Variants in DTX1 observed in about 807,000 individuals in gnomAD.
DTX1 encodes E3 ubiquitin-protein ligase DTX1.
A neutral mutation model predicts 57.8 loss-of-function variants in DTX1; 26 were observed. That is an observed-to-expected ratio of 0.45 (90% CI 0.33 to 0.62). The LOEUF is 0.62. Ranked by LOEUF, DTX1 falls within the 20% of genes least tolerant of loss-of-function variation. The pLI, the probability that DTX1 is intolerant of heterozygous loss-of-function variation, is 0.02. For synonymous variants in DTX1, 398 were observed against 394.1 expected (o/e 1.01, Z -0.12); for missense variants, 704 against 895.3 (o/e 0.79, Z 2.73).
chr12:113,088,924 A>G (rs1316692917), intron 3 of DTX1, among the ~76,000 whole-genome samples: 1 of 152,140 alleles, frequency 6.6e-6, no homozygotes, highest in Non-Finnish European at 1.5e-5. Context: ...CTGAGGTGGG[A>G]AGATCGCTTG....
intron 9 of DTX1, 29 bp downstream of exon 9, chr12:113,095,443 G>C (rs757189148): frequency 5.0e-6 from 8 of 1,613,748 alleles, no homozygotes; most frequent in Non-Finnish European, 6.8e-6. Flanking sequence ...GGGCATGGGA[G>C]ATAGGCACAG....
intron 3 of DTX1, among the ~76,000 whole-genome samples, chr12:113,082,790 A>T (rs111958656): frequency 0.077 from 11,645 of 152,008 alleles, 578 homozygotes; most frequent in African/African-American, 0.13. Context: ...TAGGGACAGG[A>T]TCTCACTATG....
At chr12:113,083,575 C>G (rs2044833431) in intron 3 of DTX1, among the ~76,000 whole-genome samples, 1 of 152,258 alleles carries the variant, frequency 6.6e-6, no homozygotes, top group Non-Finnish European at 1.5e-5. Flanking sequence ...ATCCACCCAC[C>G]TCGGCCTCCC....
chr12:113,085,725 G>A (rs1401001961), intron 3 of DTX1, among the ~76,000 whole-genome samples: 1 of 152,120 alleles, frequency 6.6e-6, no homozygotes, highest in Non-Finnish European at 1.5e-5. Flanking sequence ...AATAACTTCT[G>A]TGTGGCAGGC....
chr12:113,092,803 G>A (rs1246950861), intron 3 of DTX1, among the ~76,000 whole-genome samples: 2 of 152,204 alleles, frequency 1.3e-5, no homozygotes, highest in African/African-American at 4.8e-5. Context: ...CAAGCTTTGA[G>A]AGATGTTAAA....
In DTX1 at chr12:113,058,230, A is replaced by T. The variant is rs746517355; in HGVS notation, c.38A>T (p.Asn13Ile). The T allele has an allele frequency of 6.2e-7, 1 of 1,612,738 alleles. No individual in the cohort carries two copies. Among genetic ancestry groups the T allele is most frequent in the Non-Finnish European group, 8.5e-7 (1 of 1,179,684 alleles). The change falls in exon 2 of 10, where the codon AAT becomes ATT. Residue 13 changes from asparagine (N) to isoleucine (I), a missense_variant. Transcript: ENST00000548759. ...GGCCACGGTGGGCTGATGCCTGTGA[A>T]TGGTCTGGGCTTCCCACCGCAGAAC... ...RPGHGGLMPV[N>I]GLGFPPQNVA... is the part of the protein sequence containing the mutation.
rs7954586 is a variant in DTX1, at chr12:113,093,533, C to G, written c.1004-6C>G. The stretch of plus-strand genomic sequence containing the variant: ...CCGCCCTGTGACTGCGCCCCCTAAC[C>G]CCCAGGGATGACCGGGATACTGCTG... On this transcript the variant is annotated splice_polypyrimidine_tract_variant and splice_region_variant and intron_variant, in intron 4 of 9. Coordinates refer to ENST00000548759, the MANE Select transcript of DTX1 (RefSeq NM_004416.3). The surrounding 1 kb of genome is among the most constrained non-coding windows in gnomAD (Gnocchi z 4.2). 0.014 allele frequency: 22,988 copies of G among 1,602,084 alleles called. 301 individuals are homozygous for G. Among genetic ancestry groups the G allele is most frequent in the African/African-American group, 0.051 (3,811 of 74,698 alleles).
In DTX1 at chr12:113,093,057, G is replaced by T; in HGVS notation, c.942-105G>T. The T allele has an allele frequency of 8.7e-7, 1 of 1,143,672 alleles. No homozygotes were observed. The allele number at this position is 1,143,672 out of a possible 1,614,324, so 70.8% of individuals were successfully genotyped here. On this transcript the variant is annotated intron_variant, in intron 3 of 9. Transcript: ENST00000548759. The surrounding 1 kb of genome is among the most constrained non-coding windows in gnomAD (Gnocchi z 4.2). ...GCAGTTGGCAGAGAGGTACAAAGAG[G>T]CCAGGGTGTGTGGCCCAGGAGCCAG... is the stretch of plus-strand genomic sequence containing the variant.
chr12:113,095,856 G>A (rs1029859252), intron 9 of DTX1, among the ~76,000 whole-genome samples: 2 of 152,180 alleles, frequency 1.3e-5, no homozygotes, highest in African/African-American at 4.8e-5. Flanking sequence ...CTTTAATATA[G>A]TGTGGAGTCC....
chr12:113,095,979 G>A (rs953253803), intron 9 of DTX1, among the ~76,000 whole-genome samples: 24 of 152,158 alleles, frequency 1.6e-4, no homozygotes, highest in African/African-American at 5.8e-4. Flanking sequence ...AGGCTAAGGC[G>A]GGCAGATCAC....
Position 113,097,194 on chromosome 12 carries a change from C to T in DTX1, c.*255C>T. On this transcript the variant is annotated 3_prime_UTR_variant, in exon 10 of 10. Transcript: ENST00000548759. ...TCCCTACCAAAAAGACAGAGACCCG[C>T]CCCCTCACACACAAACACACATGTC... 2.0e-6 allele frequency: 1 copy of T among 508,900 alleles called. No individual in the cohort carries two copies. Among genetic ancestry groups the T allele is most frequent in the Non-Finnish European group, 3.5e-6 (1 of 282,534 alleles). The allele number at this position is 508,900 out of a possible 1,614,324, so 31.5% of individuals were successfully genotyped here.
At chr12:113,071,084 A>G (rs957239432) in intron 2 of DTX1, among the ~76,000 whole-genome samples, 1 of 152,118 alleles carries the variant, frequency 6.6e-6, no homozygotes, top group Non-Finnish European at 1.5e-5. Flanking sequence ...AGCTCGTTCT[A>G]TCTCTGACTC....
At chr12:113,079,694 CTGTGTGTGTGTGTG>C (rs71086139) in intron 3 of DTX1, among the ~76,000 whole-genome samples, 54 of 132,434 alleles carry the variant, frequency 4.1e-4, no homozygotes, top group South Asian at 8.0e-4. Context: ...TTCCCGGCTA[CTGTGTGTGTGTGTG>C]TGTGTGTGTG....
Position 113,096,864 on chromosome 12 carries a change from G to A in DTX1, c.1788G>A (p.Pro596=), listed in dbSNP as rs111233046. 12,631 of 1,613,740 alleles carry A rather than the reference G, an allele frequency of 7.8e-3. 66 individuals are homozygous for A. Among genetic ancestry groups the A allele is most frequent in the Non-Finnish European group, 1.0e-2 (11,750 of 1,180,034 alleles). ...CCAACCTCACGGGCCACGGCTACCC[G>A]GACGCTAGCTACCTAGACAACGTGC... The part of the protein sequence containing the change: ...FGSNLTGHGY[P]DASYLDNVLA... Residue 596 remains proline, a synonymous_variant, in exon 10 of 10, where the codon CCG becomes CCA. Transcript: ENST00000548759.
intron 3 of DTX1, among the ~76,000 whole-genome samples, chr12:113,083,838 A>G (rs1304933311): frequency 6.6e-6 from 1 of 151,986 alleles, no homozygotes; most frequent in Non-Finnish European, 1.5e-5. Context: ...CCTGGACCCA[A>G]ACAGATCCAG....
chr12:113,082,326 C>T (rs2044824819), intron 3 of DTX1, among the ~76,000 whole-genome samples: 1 of 152,202 alleles, frequency 6.6e-6, no homozygotes, highest in Non-Finnish European at 1.5e-5. Context: ...AGAAACCCCC[C>T]GGGGAAAATC....
intron 2 of DTX1, among the ~76,000 whole-genome samples, chr12:113,072,696 CTTTTTTTTT>C (rs60642403): frequency 5.6e-5 from 4 of 71,148 alleles, no homozygotes; most frequent in East Asian, 4.2e-4. Flanking sequence ...GAGAGATTTT[CTTTTTTTTT>C]TTTTTTTTTT....
In DTX1 at chr12:113,058,185, TGGC is replaced by T. The variant is rs2044642326; in HGVS notation, c.-4_-2del. ...GTGGGGGACCTGGCCCCTGAGGCAG[TGGC>T]GGCCATGTCACGGCCAGGCCACGGT... is the stretch of plus-strand genomic sequence containing the variant. On this transcript the variant is annotated 5_prime_UTR_variant, in exon 2 of 10. Transcript: ENST00000548759. The T allele has an allele frequency of 2.5e-6, 4 of 1,593,240 alleles. No homozygotes were observed. The highest frequency in any genetic ancestry group is 3.4e-6 in the Non-Finnish European group (4 of 1,168,448).
chr12:113,057,966 C>G lies in DTX1; in HGVS notation c.-227C>G. 1 of 661,076 alleles carries G rather than the reference C, an allele frequency of 1.5e-6. No individual in the cohort carries two copies. The highest frequency in any genetic ancestry group is 4.2e-4 in the Middle Eastern group (1 of 2,380). The allele number at this position is 661,076 out of a possible 1,614,324, so 41.0% of individuals were successfully genotyped here. On this transcript the variant is annotated 5_prime_UTR_variant, in exon 2 of 10. Coordinates refer to ENST00000548759, the MANE Select transcript of DTX1 (RefSeq NM_004416.3). ...GACACTTGCTTTCCAGGGCAGCACC[C>G]TTTATCGGAGAAGGCTCTACAGGGA...
Sources: gnomAD v4.1 joint callset for allele counts (sites outside exome capture counted in the v4.1 genomes callset) on GRCh38, gnomAD v4.1.1 for gene constraint, Gnocchi (gnomAD v3.1) non-coding constraint, MANE v1.5 for transcripts, NCBI Gene and HGNC (gene_info 2026-07-23, HGNC 2026-07-21) for gene names.